The following IGSF21 variants were observed in gnomAD, a reference collection of about 807,000 sequenced individuals.
IGSF21 encodes the protein immunoglobin superfamily member 21, also known as immunoglobulin superfamily member 21.
A neutral mutation model predicts 46.8 loss-of-function variants in IGSF21; 28 were observed. The ratio of observed to expected loss-of-function variants is 0.60; its 90% CI spans 0.44 to 0.82. The LOEUF (loss-of-function observed/expected upper bound fraction) is 0.82, where lower values mean the gene tolerates loss of function less well. Among genes scored for constraint, IGSF21 ranks in the 40% least tolerant of loss-of-function variants. IGSF21 has a pLI of 0.00. For missense variants in IGSF21, 624 were observed against 665.5 expected, an observed-to-expected ratio of 0.94 and a Z score of 0.69; for synonymous variants, 284 against 273.6, an observed-to-expected ratio of 1.04 and a Z score of -0.38.
At chr1:18,372,598 A>C (rs993405466) in intron 6 of IGSF21, among the ~76,000 whole-genome samples, 1 of 146,050 alleles carries the variant, frequency 6.8e-6, no homozygotes, top group African/African-American at 2.6e-5. Flanking sequence ...GTTTGGAGGG[A>C]TGGATGAATG....
intron 1 of IGSF21, among the ~76,000 whole-genome samples, chr1:18,125,001 C>G (rs917445467): frequency 6.6e-6 from 1 of 152,098 alleles, no homozygotes; most frequent in Admixed American, 6.5e-5. Flanking sequence ...CATCCCCTCC[C>G]TCTCCTTCCC....
At position 18,274,744 on chromosome 1, in the gene IGSF21, G is replaced by T. The variant is rs551768430; in HGVS notation, c.184-17122G>T. 2.3e-4 allele frequency among the ~76,000 whole-genome samples: 35 copies of T among 152,354 alleles called. 1 individual carries two copies. The highest frequency in any genetic ancestry group is 7.9e-4 in the African/African-American group (33 of 41,574). On this transcript the variant is annotated intron_variant, in intron 2 of 9. Coordinates refer to ENST00000251296, the MANE Select transcript of IGSF21 (RefSeq NM_032880.5). ...TTAGAACTAGAATTGGCCACCTAATGACTGGGCATGGTGGCTCGCACTTGT... is the reference window on the plus strand; with the variant it reads ...TTAGAACTAGAATTGGCCACCTAATTACTGGGCATGGTGGCTCGCACTTGT...
At chr1:18,258,526 T>A (rs223185) in intron 2 of IGSF21, among the ~76,000 whole-genome samples, 53,601 of 152,044 alleles carry the variant, frequency 0.35, 9,737 homozygotes, top group Middle Eastern at 0.43. Flanking sequence ...ATAAGTACAC[T>A]GTTTGAATTT....
intron 3 of IGSF21, among the ~76,000 whole-genome samples, chr1:18,307,714 C>T (rs956372934): frequency 3.9e-5 from 6 of 152,172 alleles, no homozygotes; most frequent in Non-Finnish European, 7.3e-5. Context: ...CGGCCTCTGC[C>T]GGGAGCTATC....
Position 18,376,812 on chromosome 1 carries a change from C to T in IGSF21, c.1114C>T (p.Pro372Ser), listed in dbSNP as rs1186249970. Residue 372 changes from proline (P) to serine (S), a missense_variant, in exon 8 of 10, where the codon CCG (proline) becomes TCG (serine). Physicochemically the swap from Pro to Ser is moderately conservative, Grantham distance 74 (BLOSUM62 -1). Transcript: ENST00000251296. ...LVHGFQNEVF[P>S]EPMFTWTRVG... ...ATCTGGCCAACAGAACGAAGTCTTC[C>T]CGGAGCCCATGTTCACGTGGACGCG... 1 of 1,593,538 alleles carries T rather than the reference C, an allele frequency of 6.3e-7. No homozygotes were observed. Among genetic ancestry groups the T allele is most frequent in the East Asian group, 2.3e-5 (1 of 44,394 alleles).
chr1:18,278,170 G>A lies in IGSF21; in HGVS notation c.184-13696G>A, dbSNP rs1357781973. Among the ~76,000 whole-genome samples the A allele has an allele frequency of 2.0e-5, 3 of 151,766 alleles. No homozygotes were observed. In the East Asian group the frequency reaches 5.8e-4, roughly 30 times the overall value. On this transcript the variant is annotated intron_variant, in intron 2 of 9. Transcript: ENST00000251296. ...CTGCATCGAGAGGGATGAATGGAGG[G>A]TGGGGGGAGATATGATAAAGCAAAC...
intron 2 of IGSF21, among the ~76,000 whole-genome samples, chr1:18,243,213 G>A (rs770317639): frequency 1.4e-4 from 21 of 152,154 alleles, no homozygotes; most frequent in Non-Finnish European, 2.6e-4. Flanking sequence ...TGTCTGATAA[G>A]CATCTCAGAC....
At chr1:18,159,547 C>A (rs549052389) in intron 1 of IGSF21, among the ~76,000 whole-genome samples, 45 of 152,284 alleles carry the variant, frequency 3.0e-4, no homozygotes, top group Non-Finnish European at 2.8e-4. Context: ...AACTCTTTTG[C>A]TTGGTTCTTG....
At chr1:18,127,207 T>C (rs956117600) in intron 1 of IGSF21, among the ~76,000 whole-genome samples, 2 of 152,122 alleles carry the variant, frequency 1.3e-5, no homozygotes, top group African/African-American at 4.8e-5. Context: ...GGCTTTGGCC[T>C]CATGGGCTGA....
At chr1:18,252,937 C>A (rs1569638174) in intron 2 of IGSF21, among the ~76,000 whole-genome samples, 1 of 152,142 alleles carries the variant, frequency 6.6e-6, no homozygotes, top group East Asian at 1.9e-4. Context: ...AGGTAACAAA[C>A]CTTTAGCTCA....
chr1:18,252,067 T>TTC (rs2084847939), intron 2 of IGSF21, among the ~76,000 whole-genome samples: 1 of 138,528 alleles, frequency 7.2e-6, no homozygotes, highest in African/African-American at 2.7e-5. Context: ...TTTTTTTTTT[T>TTC]TGAGATGGAG....
At chr1:18,176,404 C>T (rs1003596366) in intron 1 of IGSF21, among the ~76,000 whole-genome samples, 24 of 152,308 alleles carry the variant, frequency 1.6e-4, no homozygotes, top group African/African-American at 5.8e-4. Context: ...AGTCTGGTCT[C>T]CCCCAGGCTC....
rs2086990618 is a variant in IGSF21 at position 18,194,632 on chromosome 1, A to G, written c.71-33266A>G. Among the ~76,000 whole-genome samples, 4 of 152,290 alleles carry G rather than the reference A, an allele frequency of 2.6e-5. No individual in the cohort carries two copies. The South Asian group carries it at 8.3e-4, about 32-fold the overall frequency. On this transcript the variant is annotated intron_variant, in intron 1 of 9. Coordinates refer to ENST00000251296, the MANE Select transcript of IGSF21 (RefSeq NM_032880.5). ...CTCTTCTTATTAAGACCCCAGTCATATTGGCTTTAGGGCTCACCCTCATCC... is the reference window on the plus strand; with the variant it reads ...CTCTTCTTATTAAGACCCCAGTCATGTTGGCTTTAGGGCTCACCCTCATCC...
In IGSF21 at chr1:18,290,883, T is replaced by C. The variant is rs1344232023; in HGVS notation, c.184-983T>C. 1.3e-5 allele frequency among the ~76,000 whole-genome samples: 2 copies of C among 151,474 alleles called. No individual in the cohort carries two copies. Among genetic ancestry groups the C allele is most frequent in the Non-Finnish European group, 2.9e-5 (2 of 67,894 alleles). Reference sequence around the variant, plus strand: ...ACCACACAGAGCCGCAGGGAGCTAATTCCACTTCTCTAGGCCCAGGCATGA... The same window carrying C: ...ACCACACAGAGCCGCAGGGAGCTAACTCCACTTCTCTAGGCCCAGGCATGA... On this transcript the variant is annotated intron_variant, in intron 2 of 9. Transcript: ENST00000251296. This position sits in a 1 kb window ranked among gnomAD's most constrained non-coding sequence, Gnocchi z 4.2.
intron 2 of IGSF21, among the ~76,000 whole-genome samples, chr1:18,239,385 G>A (rs923941628): frequency 6.6e-5 from 10 of 152,118 alleles, no homozygotes; most frequent in African/African-American, 2.4e-4. Flanking sequence ...CAGTCTTCCC[G>A]TTGCAGACAG....
chr1:18,172,965 T>A (rs761579826), intron 1 of IGSF21, among the ~76,000 whole-genome samples: 1 of 152,080 alleles, frequency 6.6e-6, no homozygotes, highest in African/African-American at 2.4e-5. Flanking sequence ...CTGGGAAAGA[T>A]AATTAATATA....
At position 18,271,131 on chromosome 1, in the gene IGSF21, T is replaced by C. The variant is rs142862890; in HGVS notation, c.184-20735T>C. Reference sequence around the variant, plus strand: ...GCTATGGGCAGAGGATTGGTTTTCATGGTTCTCTATGAAGCATTGTCTCAC... The same window carrying C: ...GCTATGGGCAGAGGATTGGTTTTCACGGTTCTCTATGAAGCATTGTCTCAC... On this transcript the variant is annotated intron_variant, in intron 2 of 9. Coordinates refer to ENST00000251296, the MANE Select transcript of IGSF21 (RefSeq NM_032880.5). Among the ~76,000 whole-genome samples, 7 of 152,336 alleles carry C rather than the reference T, an allele frequency of 4.6e-5. No individual in the cohort carries two copies. In the East Asian group the frequency reaches 1.4e-3, roughly 29 times the overall value.
At chr1:18,258,931 G>A (rs902137122) in intron 2 of IGSF21, among the ~76,000 whole-genome samples, 1 of 152,216 alleles carries the variant, frequency 6.6e-6, no homozygotes, top group Non-Finnish European at 1.5e-5. Context: ...GTGCTCATCT[G>A]AGTTTGATGG....
At chr1:18,138,258 G>C (rs910329035) in intron 1 of IGSF21, among the ~76,000 whole-genome samples, 2 of 152,148 alleles carry the variant, frequency 1.3e-5, no homozygotes, top group Non-Finnish European at 2.9e-5. Context: ...ATAATCCCTC[G>C]CAGGACATGT....
Sources: gnomAD v4.1 joint callset for allele counts (sites outside exome capture counted in the v4.1 genomes callset) on GRCh38, gnomAD v4.1.1 for gene constraint, Gnocchi (gnomAD v3.1) non-coding constraint, MANE v1.5 for transcripts, NCBI Gene and HGNC (gene_info 2026-07-23, HGNC 2026-07-21) for gene names.